Variants in CCDC146 observed in about 807,000 individuals in gnomAD.
CCDC146 encodes the protein coiled-coil domain containing 146.
A neutral mutation model predicts 119.3 loss-of-function variants in CCDC146; 92 were observed. The ratio of observed to expected loss-of-function variants is 0.77; its 90% confidence interval spans 0.65 to 0.92. The LOEUF (loss-of-function observed/expected upper bound fraction) is 0.92, where lower values mean the gene tolerates loss of function less well. CCDC146 is among the 40% of genes least tolerant of loss of function. The pLI is 0.00. For missense variants in CCDC146, 1,000 were observed against 1,103.0 expected (o/e 0.91, Z 1.32); for synonymous variants, 372 against 371.8 (o/e 1.00, Z -0.01).
intron 17 of CCDC146, among the ~76,000 whole-genome samples, chr7:77,288,542 C>T (rs890646873): frequency 8.5e-5 from 13 of 152,224 alleles, no homozygotes; most frequent in Admixed American, 2.0e-4. Flanking sequence ...ACCATTCATG[C>T]GAGGCCTTTC....
Position 77,162,370 on chromosome 7 carries a change from C to T in CCDC146, c.-11-5288C>T, listed in dbSNP as rs137924849. Among the ~76,000 whole-genome samples the T allele has an allele frequency of 4.3e-3, 654 of 152,294 alleles. 7 individuals are homozygous for T. Among genetic ancestry groups the T allele is most frequent in the African/African-American group, 0.015 (608 of 41,556 alleles). On this transcript the variant is annotated intron_variant, in intron 1 of 18. Transcript: ENST00000285871. ...ATTTCATTCTTTGGCATGTGGCTATCCAATTTCCCTAACACCCTGTATTGA... is the reference window on the plus strand; with the variant it reads ...ATTTCATTCTTTGGCATGTGGCTATTCAATTTCCCTAACACCCTGTATTGA...
At chr7:77,162,584 A>G (rs1312847972) in intron 1 of CCDC146, among the ~76,000 whole-genome samples, 1 of 152,052 alleles carries the variant, frequency 6.6e-6, no homozygotes, top group African/African-American at 2.4e-5. Context: ...TTTTTCTAGC[A>G]TTGTTGTTCC....
intron 2 of CCDC146, among the ~76,000 whole-genome samples, chr7:77,177,303 A>G (rs1388093402): frequency 6.6e-6 from 1 of 152,062 alleles, no homozygotes; most frequent in East Asian, 1.9e-4. Context: ...CTATTTTTTT[A>G]TACCTTAAGT....
At chr7:77,187,657 T>C (rs1425370555) in intron 2 of CCDC146, among the ~76,000 whole-genome samples, 1 of 152,208 alleles carries the variant, frequency 6.6e-6, no homozygotes, top group Non-Finnish European at 1.5e-5. Context: ...TTTGATATTC[T>C]AGAGATGGCT....
chr7:77,138,290 CAAA>C (rs59868618), intron 1 of CCDC146, among the ~76,000 whole-genome samples: 4 of 121,886 alleles, frequency 3.3e-5, no homozygotes, highest in Non-Finnish European at 3.5e-5. Flanking sequence ...GGGGCAGTTG[CAAA>C]AAAAAAAAAA....
Position 77,280,624 on chromosome 7 carries a change from C to T in CCDC146, c.1890C>T (p.Tyr630=), listed in dbSNP as rs138208181. The T allele has an allele frequency of 1.9e-5, 30 of 1,612,946 alleles. No homozygotes were observed. The African/African-American group carries it at 2.9e-4, about 16-fold the overall frequency. ...EEEMVQLRKR[Y]EKAVQHRNES... ...AGATGGTGCAGCTTCGCAAAAGATACGAAAAAGCTGTTCAGCATCGAAATG... is the reference window on the plus strand; with the variant it reads ...AGATGGTGCAGCTTCGCAAAAGATATGAAAAAGCTGTTCAGCATCGAAATG... Residue 630 remains tyrosine (Y), a synonymous_variant, in exon 14 of 19, where the codon TAC becomes TAT. Coordinates refer to ENST00000285871, the MANE Select transcript of CCDC146 (RefSeq NM_020879.3).
chr7:77,182,061 A>G (rs112435798), intron 2 of CCDC146, among the ~76,000 whole-genome samples: 92 of 152,328 alleles, frequency 6.0e-4, no homozygotes, highest in African/African-American at 2.1e-3. Context: ...TTTTCAGCCT[A>G]TGCAATCCAG....
At chr7:77,199,108 G>C (rs1791929735) in intron 2 of CCDC146, 1 of 1,309,824 alleles carries the variant, frequency 7.6e-7, no homozygotes, top group Admixed American at 2.1e-5. Flanking sequence ...ACTGACTCAG[G>C]TTAATGTTTA....
chr7:77,286,735 T>G, intron 15 of CCDC146, 63 bp from the exon 16 acceptor site: 1 of 1,553,722 alleles, frequency 6.4e-7, no homozygotes, highest in Non-Finnish European at 8.8e-7. Flanking sequence ...CCCTAGGCAA[T>G]GTGATTTTCA....
intron 4 of CCDC146, among the ~76,000 whole-genome samples, chr7:77,243,918 G>A (rs141404078): frequency 1.3e-5 from 2 of 152,088 alleles, no homozygotes; most frequent in East Asian, 1.9e-4. Context: ...GTGCTCTGTC[G>A]CCCAGGCTGG....
At chr7:77,260,787 C>T (rs1480251630) in intron 8 of CCDC146, among the ~76,000 whole-genome samples, 3 of 21,358 alleles carry the variant, frequency 1.4e-4, no homozygotes, top group East Asian at 3.7e-3. Context: ...CCACCACGCC[C>T]GGCTAATTTT....
chr7:77,262,088 A>T, intron 8 of CCDC146, 33 bp from the exon 9 acceptor site: 1 of 1,524,710 alleles, frequency 6.6e-7, no homozygotes, highest in Non-Finnish European at 8.8e-7. Flanking sequence ...TGATAACAAA[A>T]TCATTTTCTT....
chr7:77,233,149 C>A (rs1008221398), intron 2 of CCDC146, among the ~76,000 whole-genome samples: 2 of 149,184 alleles, frequency 1.3e-5, no homozygotes, highest in African/African-American at 2.5e-5. Flanking sequence ...AGTGCAGTGG[C>A]GTGATCTCAG....
At chr7:77,133,764 G>A (rs911033252) in intron 1 of CCDC146, among the ~76,000 whole-genome samples, 1 of 150,212 alleles carries the variant, frequency 6.7e-6, no homozygotes, top group African/African-American at 2.5e-5. Flanking sequence ...AAGGCACTTG[G>A]TGCTACTCCA....
rs1021228477 is a variant in CCDC146 at position 77,225,944 on chromosome 7, A to G, written c.157-11003A>G. The stretch of plus-strand genomic sequence containing the variant: ...GGCAACAAGAGCGAAACTTCATCTC[A>G]AAAAAAAAAAGGAAGGAGTAGAGAT... On this transcript the variant is annotated intron_variant, in intron 2 of 18. Coordinates refer to ENST00000285871, the MANE Select transcript of CCDC146 (RefSeq NM_020879.3). Among the ~76,000 whole-genome samples, 4 of 924 alleles carry G rather than the reference A, an allele frequency of 4.3e-3. No individual in the cohort carries two copies. The African/African-American group carries it at 0.12, about 27-fold the overall frequency. The allele number at this position is 924 out of a possible 152,430, so 0.6% of individuals were successfully genotyped here.
chr7:77,219,120 G>A (rs754192751), intron 2 of CCDC146, among the ~76,000 whole-genome samples: 1 of 152,056 alleles, frequency 6.6e-6, no homozygotes, highest in Non-Finnish European at 1.5e-5. Flanking sequence ...TAAACTATCA[G>A]TAACAACTGG....
At chr7:77,153,223 T>C (rs1388204725) in intron 1 of CCDC146, among the ~76,000 whole-genome samples, 8 of 152,166 alleles carry the variant, frequency 5.3e-5, no homozygotes, top group Admixed American at 5.2e-4. Context: ...TTTCATGGAG[T>C]TCTTTCCTAA....
At chr7:77,276,841 C>T (rs185122216) in intron 11 of CCDC146, among the ~76,000 whole-genome samples, 239 of 152,266 alleles carry the variant, frequency 1.6e-3, no homozygotes, top group Admixed American at 3.1e-3. Flanking sequence ...GAGGCCAAGG[C>T]GGGTGGATCA....
chr7:77,135,492 C>T (rs1584015690), intron 1 of CCDC146, among the ~76,000 whole-genome samples: 1 of 148,138 alleles, frequency 6.8e-6, no homozygotes, highest in Non-Finnish European at 1.5e-5. Context: ...AGAGAGAGAG[C>T]GAAAGAAAGA....
Sources: allele counts gnomAD v4.1 joint callset (sites outside exome capture counted in the v4.1 genomes callset), GRCh38; gene constraint gnomAD v4.1.1; transcripts MANE v1.5; gene names NCBI Gene and HGNC (gene_info 2026-07-23, HGNC 2026-07-21).